Variants in ATF7 observed in about 807,000 individuals in gnomAD.
The protein encoded by ATF7 is cyclic AMP-dependent transcription factor ATF-7.
A neutral mutation model predicts 50.4 loss-of-function variants in ATF7; 10 were observed. The ratio of observed to expected loss-of-function variants is 0.20; its 90% CI spans 0.12 to 0.34. ATF7 has a LOEUF of 0.34. Ranked by LOEUF, ATF7 falls within the 10% of genes least tolerant of loss-of-function variation. ATF7 has a pLI of 1.00. For synonymous variants in ATF7, 201 were observed against 226.4 expected (o/e 0.89, Z 1.01); for missense variants, 465 against 613.9 (o/e 0.76, Z 2.56).
chr12:53,536,582 T>C (rs1262826796), intron 5 of ATF7, among the ~76,000 whole-genome samples: 1 of 151,770 alleles, frequency 6.6e-6, no homozygotes, highest in Non-Finnish European at 1.5e-5. Flanking sequence ...TGACTGATTT[T>C]TGGCTATTAA....
At chr12:53,538,330 A>T (rs1480476586) in intron 4 of ATF7, among the ~76,000 whole-genome samples, 1 of 152,232 alleles carries the variant, frequency 6.6e-6, no homozygotes, top group Non-Finnish European at 1.5e-5. Flanking sequence ...ACTGCAAACC[A>T]GATAGGAAAG....
At position 53,534,298 on chromosome 12, in the gene ATF7, A is replaced by G. The variant is rs560124418; in HGVS notation, c.560+204T>C. On this transcript the variant is annotated intron_variant, in intron 6 of 11. Transcript: ENST00000420353. ...TCTCAAAAAAACCCAAAAAAAACAA[A>G]AAGTATTACCTCCAAATAAATATTT... Among the ~76,000 whole-genome samples the G allele has an allele frequency of 2.6e-5, 4 of 152,238 alleles. No individual in the cohort carries two copies. The East Asian group carries it at 7.7e-4, about 29-fold the overall frequency.
chr12:53,582,660 G>A (rs1413651600), intron 2 of ATF7, among the ~76,000 whole-genome samples: 1 of 152,154 alleles, frequency 6.6e-6, no homozygotes, highest in Non-Finnish European at 1.5e-5. Flanking sequence ...TTCACTGCAA[G>A]CTCCGCCTCC....
chr12:53,530,578 TTTTA>T (rs1261970144), intron 9 of ATF7, among the ~76,000 whole-genome samples: 12 of 151,796 alleles, frequency 7.9e-5, no homozygotes, highest in Non-Finnish European at 1.3e-4. Context: ...ATTTTTTTAT[TTTTA>T]TTTATTTATT....
At chr12:53,620,432 C>T (rs1203366210) in intron 1 of ATF7, among the ~76,000 whole-genome samples, 5 of 150,592 alleles carry the variant, frequency 3.3e-5, no homozygotes, top group South Asian at 2.1e-4. Context: ...AAAAATTAGC[C>T]GGGCGTAGTG....
At chr12:53,534,886 A>T (rs942943042) in intron 5 of ATF7, among the ~76,000 whole-genome samples, 4 of 152,218 alleles carry the variant, frequency 2.6e-5, no homozygotes, top group African/African-American at 9.7e-5. Flanking sequence ...CAATGGCTAC[A>T]TAAATAAGAT....
intron 10 of ATF7, among the ~76,000 whole-genome samples, chr12:53,523,877 A>C (rs1450174553): frequency 6.6e-6 from 1 of 152,160 alleles, no homozygotes. Flanking sequence ...TCCAGGAAAC[A>C]CTGTTAACCT....
chr12:53,552,464 C>G (rs1940432926), intron 3 of ATF7, 77 bp downstream of exon 3: 1 of 1,123,574 alleles, frequency 8.9e-7, no homozygotes, highest in African/African-American at 1.5e-5. Context: ...AGTACAGCTC[C>G]CAGTACATCT....
chr12:53,527,072 T>TGG (rs1274149501), intron 9 of ATF7, among the ~76,000 whole-genome samples: 18 of 151,546 alleles, frequency 1.2e-4, no homozygotes, highest in African/African-American at 4.1e-4. Context: ...GGCAGGAGAA[T>TGG]CGGTTGAACC....
At chr12:53,614,889 T>C (rs1944052765) in intron 1 of ATF7, among the ~76,000 whole-genome samples, 1 of 152,182 alleles carries the variant, frequency 6.6e-6, no homozygotes, top group Non-Finnish European at 1.5e-5. Context: ...AAGACCAGCT[T>C]GGCCAGCATG....
intron 2 of ATF7, among the ~76,000 whole-genome samples, chr12:53,553,182 C>T (rs1459587964): frequency 1.3e-5 from 2 of 152,124 alleles, no homozygotes; most frequent in Non-Finnish European, 2.9e-5. Context: ...GGCTATTTGG[C>T]TCAGAGTTTT....
intron 3 of ATF7, among the ~76,000 whole-genome samples, chr12:53,547,185 T>C (rs1302234554): frequency 6.7e-6 from 1 of 150,226 alleles, no homozygotes; most frequent in Non-Finnish European, 1.5e-5. Context: ...GGGGTTTCAC[T>C]GTGTTAGCCA....
intron 2 of ATF7, among the ~76,000 whole-genome samples, chr12:53,600,112 C>T (rs1943329863): frequency 6.6e-6 from 1 of 152,112 alleles, no homozygotes; most frequent in African/African-American, 2.4e-5. Flanking sequence ...GCTGTGAGAT[C>T]TCAAGTTCTC....
At chr12:53,527,481 TCAAAAA>T (rs1362239132) in intron 9 of ATF7, among the ~76,000 whole-genome samples, 1 of 146,856 alleles carries the variant, frequency 6.8e-6, no homozygotes, top group Non-Finnish European at 1.5e-5. Context: ...AGAACCTGAC[TCAAAAA>T]CAAATAAAAA....
chr12:53,613,210 A>G (rs1280904357), intron 1 of ATF7, among the ~76,000 whole-genome samples: 1 of 151,978 alleles, frequency 6.6e-6, no homozygotes, highest in East Asian at 1.9e-4. Context: ...CAATTACCTG[A>G]AAATAATCCT....
At position 53,552,533 on chromosome 12, in the gene ATF7, G is replaced by C; in HGVS notation, c.145+8C>G. ...ATCAAGGCACGTGGCTTTTGGGGCA[G>C]CAAATACCTGCAATGATGACTGAGT... On this transcript the variant is annotated splice_region_variant and intron_variant, in intron 3 of 11. Transcript: ENST00000420353. 2 of 1,611,612 alleles carry C rather than the reference G, an allele frequency of 1.2e-6. No homozygotes were observed. The highest frequency in any genetic ancestry group is 2.2e-5 in the South Asian group (2 of 91,004).
Position 53,517,077 on chromosome 12 carries a change from A to T in ATF7, c.*60T>A. On this transcript the variant is annotated 3_prime_UTR_variant, in exon 12 of 12. Transcript: ENST00000420353. Reference sequence around the variant, plus strand: ...GGCAGATGGGAGGGGATAAGATGACATCTCTCTTGGCTCTTGGGCGGGCGA... The same window carrying T: ...GGCAGATGGGAGGGGATAAGATGACTTCTCTCTTGGCTCTTGGGCGGGCGA... 1 of 1,562,566 alleles carries T rather than the reference A, an allele frequency of 6.4e-7. No individual in the cohort carries two copies.
intron 1 of ATF7, among the ~76,000 whole-genome samples, chr12:53,622,117 ATGGT>A (rs1293100963): frequency 1.3e-5 from 2 of 151,824 alleles, no homozygotes; most frequent in African/African-American, 2.4e-5. Context: ...CCTGGCCAAA[ATGGT>A]GAAACCCCGT....
chr12:53,540,818 T>C lies in ATF7; in HGVS notation c.264+2512A>G, dbSNP rs2137425353. Among the ~76,000 whole-genome samples the C allele has an allele frequency of 1.3e-5, 2 of 152,252 alleles. 1 individual carries two copies. On this transcript the variant is annotated intron_variant, in intron 4 of 11. Transcript: ENST00000420353. The stretch of plus-strand genomic sequence containing the variant: ...AGGCTGGAGTGCAGTGGTTCAATCA[T>C]GGCTAACTGCAACCTTGACCTCCTA...
Sources: allele counts gnomAD v4.1 joint callset (sites outside exome capture counted in the v4.1 genomes callset), GRCh38; gene constraint gnomAD v4.1.1; transcripts MANE v1.5; gene names NCBI Gene and HGNC (gene_info 2026-07-23, HGNC 2026-07-21).